ANGPT2: variants seen among roughly 807,000 people sequenced by gnomAD.
ANGPT2 encodes the protein angiopoietin-2.
ANGPT2 carries 28 observed loss-of-function variants against 62.9 expected under a neutral mutation model. The observed-to-expected ratio is 0.44, with a 90% CI of 0.33 to 0.61. ANGPT2 has a LOEUF of 0.61. ANGPT2 is among the 20% of genes least tolerant of loss of function. The pLI is 0.03. For synonymous variants in ANGPT2, 284 were observed against 207.8 expected (o/e 1.37, Z -3.15); for missense variants, 727 against 594.9 (o/e 1.22, Z -2.31).
At position 6,509,127 on chromosome 8, in the gene ANGPT2, T is replaced by C. The variant is rs1326559152; in HGVS notation, c.1197-65A>G. On this transcript the variant is annotated intron_variant, in intron 7 of 8. Coordinates refer to ENST00000629816, the MANE Select transcript of ANGPT2 (RefSeq NM_001118887.2). ...CATTGATTTACCGTAGTGGCAAATT[T>C]TTTGTGATGAAGAATTCCATTCTAC... 3.6e-5 allele frequency: 57 copies of C among 1,569,554 alleles called. No homozygotes were observed. In the East Asian group the frequency reaches 1.3e-3, roughly 35 times the overall value.
intron 5 of ANGPT2, among the ~76,000 whole-genome samples, chr8:6,515,722 A>G (rs530765574): frequency 6.6e-6 from 1 of 152,378 alleles, no homozygotes; most frequent in African/African-American, 2.4e-5. Context: ...CATACAAGGT[A>G]GGAAATATTG....
In ANGPT2 at chr8:6,499,659, A is replaced by C; in HGVS notation, c.*3442T>G. The C allele has an allele frequency of 1.8e-6, 1 of 553,768 alleles. No homozygotes were observed. The highest frequency in any genetic ancestry group is 2.3e-5 in the South Asian group (1 of 44,182). 34.3% of individuals were successfully genotyped at this position (553,768 alleles called of 1,614,324 possible). The stretch of plus-strand genomic sequence containing the variant: ...TCTTGTTATCGTGAGACTTTTTCTC[A>C]ATCAACTTTTTATTAATATTCATAA... On this transcript the variant is annotated 3_prime_UTR_variant, in exon 9 of 9. Transcript: ENST00000629816.
intron 1 of ANGPT2, among the ~76,000 whole-genome samples, chr8:6,544,582 G>C (rs1822201064): frequency 6.6e-6 from 1 of 152,192 alleles, no homozygotes; most frequent in Non-Finnish European, 1.5e-5. Flanking sequence ...TGTCATTCAT[G>C]TATTGGAGGG....
chr8:6,518,122 A>C (rs1362955094), intron 5 of ANGPT2, among the ~76,000 whole-genome samples: 1 of 152,146 alleles, frequency 6.6e-6, no homozygotes, highest in African/African-American at 2.4e-5. Context: ...GGAAGCTTGC[A>C]CTTAGACTGA....
intron 4 of ANGPT2, among the ~76,000 whole-genome samples, chr8:6,520,436 G>C (rs752764585): frequency 6.6e-6 from 1 of 152,094 alleles, no homozygotes; most frequent in Non-Finnish European, 1.5e-5. Flanking sequence ...ATCCCACTGA[G>C]GACATAGTGG....
intron 2 of ANGPT2, among the ~76,000 whole-genome samples, chr8:6,528,475 TCAC>T (rs1818801966): frequency 6.6e-6 from 1 of 152,226 alleles, no homozygotes; most frequent in African/African-American, 2.4e-5. Flanking sequence ...TCCTCATTTG[TCAC>T]CACTTGTTTA....
At position 6,532,503 on chromosome 8, in the gene ANGPT2, G is replaced by A; in HGVS notation, c.289-16C>T. On this transcript the variant is annotated splice_polypyrimidine_tract_variant and intron_variant, in intron 1 of 8. Coordinates refer to ENST00000629816, the MANE Select transcript of ANGPT2 (RefSeq NM_001118887.2). ...AATTCTCAAGCTAGAAAAGAACAGTGTTAGAAGGCAGTCATTAGTCAAATG... is the reference window on the plus strand; with the variant it reads ...AATTCTCAAGCTAGAAAAGAACAGTATTAGAAGGCAGTCATTAGTCAAATG... The A allele has an allele frequency of 6.3e-7, 1 of 1,584,148 alleles. No homozygotes were observed. Among genetic ancestry groups the A allele is most frequent in the Non-Finnish European group, 8.6e-7 (1 of 1,164,272 alleles).
chr8:6,538,387 C>T (rs1375818709), intron 1 of ANGPT2, among the ~76,000 whole-genome samples: 3 of 152,244 alleles, frequency 2.0e-5, no homozygotes, highest in Non-Finnish European at 2.9e-5. Flanking sequence ...CCTTTCATCC[C>T]GCTGTCAGAG....
intron 3 of ANGPT2, among the ~76,000 whole-genome samples, chr8:6,524,369 C>T (rs1316752744): frequency 1.3e-5 from 2 of 152,184 alleles, no homozygotes; most frequent in African/African-American, 2.4e-5. Flanking sequence ...AGCTTTTCTG[C>T]GAAGGCATAT....
At chr8:6,505,658 A>C (rs564118928) in intron 8 of ANGPT2, among the ~76,000 whole-genome samples, 7 of 130,134 alleles carry the variant, frequency 5.4e-5, no homozygotes, top group African/African-American at 2.0e-4. Context: ...ATCTATTTAT[A>C]TATAGAATAT....
At chr8:6,545,952 G>T (rs1822508307) in intron 1 of ANGPT2, among the ~76,000 whole-genome samples, 2 of 152,190 alleles carry the variant, frequency 1.3e-5, no homozygotes, top group Admixed American at 6.5e-5. Flanking sequence ...ATATTGAATT[G>T]AGTTGGGGAA....
intron 1 of ANGPT2, among the ~76,000 whole-genome samples, chr8:6,549,875 C>CT (rs1286559567): frequency 4.3e-4 from 65 of 152,118 alleles, no homozygotes; most frequent in African/African-American, 1.5e-3. Flanking sequence ...TAAGTTATAT[C>CT]TAAAAAAAGA....
At chr8:6,544,670 A>G (rs1196401767) in intron 1 of ANGPT2, among the ~76,000 whole-genome samples, 1 of 152,146 alleles carries the variant, frequency 6.6e-6, no homozygotes, top group Admixed American at 6.5e-5. Flanking sequence ...TTTCTATAGG[A>G]TTCCTCATTC....
At chr8:6,508,733 C>T (rs972088375) in intron 8 of ANGPT2, 199 bp downstream of exon 8, 7 of 730,602 alleles carry the variant, frequency 9.6e-6, no homozygotes, top group Non-Finnish European at 1.3e-5. Flanking sequence ...GCTGACAAGT[C>T]TAGCTCCATA....
chr8:6,537,404 G>A (rs1820701702), intron 1 of ANGPT2, among the ~76,000 whole-genome samples: 1 of 151,986 alleles, frequency 6.6e-6, no homozygotes, highest in Non-Finnish European at 1.5e-5. Flanking sequence ...TTAACATTGA[G>A]GGCCACAGTG....
At position 6,523,829 on chromosome 8, in the gene ANGPT2, C is replaced by A. The variant is rs550707318; in HGVS notation, c.567-2419G>T. On this transcript the variant is annotated intron_variant, in intron 3 of 8. Transcript: ENST00000629816. ...GTCTCGAACTCCTGACTTCCTGATT[C>A]GTCCACCTCGGCCTTCCAAAGTGCT... Among the ~76,000 whole-genome samples the A allele has an allele frequency of 1.4e-4, 21 of 151,360 alleles. No individual in the cohort carries two copies. In the South Asian group the frequency reaches 1.7e-3, roughly 12 times the overall value.
chr8:6,517,574 A>C (rs973243417), intron 5 of ANGPT2, among the ~76,000 whole-genome samples: 1 of 152,232 alleles, frequency 6.6e-6, no homozygotes, highest in African/African-American at 2.4e-5. Context: ...AAATGAGTGC[A>C]GAATCGGGTC....
At chr8:6,537,392 G>C (rs1820700086) in intron 1 of ANGPT2, among the ~76,000 whole-genome samples, 1 of 152,002 alleles carries the variant, frequency 6.6e-6, no homozygotes, top group African/African-American at 2.4e-5. Flanking sequence ...AGTTATGCAA[G>C]TTTAACATTG....
At chr8:6,560,607 T>G (rs922185624) in intron 1 of ANGPT2, among the ~76,000 whole-genome samples, 2 of 152,176 alleles carry the variant, frequency 1.3e-5, no homozygotes, top group Non-Finnish European at 2.9e-5. Flanking sequence ...AGATAAACAT[T>G]AAGTCATTCT....
Sources: allele counts gnomAD v4.1 joint callset (sites outside exome capture counted in the v4.1 genomes callset), GRCh38; gene constraint gnomAD v4.1.1; transcripts MANE v1.5; gene names NCBI Gene and HGNC (gene_info 2026-07-23, HGNC 2026-07-21).